EPHB1: variants seen among roughly 807,000 people sequenced by gnomAD.
EPHB1 encodes the protein ephrin type-B receptor 1.
In EPHB1, 30 loss-of-function variants were observed where a neutral mutation model predicts 94.4. That is an observed-to-expected ratio of 0.32 (90% CI 0.24 to 0.43). The LOEUF is 0.43. Among genes scored for constraint, EPHB1 ranks in the 20% least tolerant of loss-of-function variants. The pLI is 1.00. For synonymous variants in EPHB1, 522 were observed against 489.1 expected, an observed-to-expected ratio of 1.07 and a Z score of -0.89; for missense variants, 1,055 against 1,308.3, an observed-to-expected ratio of 0.81 and a Z score of 2.99.
chr3:135,083,121 G>T (rs949049914), intron 3 of EPHB1, among the ~76,000 whole-genome samples: 18 of 152,162 alleles, frequency 1.2e-4, no homozygotes, highest in African/African-American at 4.3e-4. Flanking sequence ...TATTTGGGAG[G>T]CTGGGACAGG....
intron 12 of EPHB1, among the ~76,000 whole-genome samples, chr3:135,204,214 A>AT (rs1942836537): frequency 1.3e-5 from 2 of 150,970 alleles, no homozygotes; most frequent in Non-Finnish European, 3.0e-5. Context: ...ATTTTTTTTT[A>AT]TTTTTTGAGA....
chr3:135,029,767 G>A (rs1029009303), intron 3 of EPHB1, among the ~76,000 whole-genome samples: 58 of 151,932 alleles, frequency 3.8e-4, no homozygotes, highest in African/African-American at 1.4e-3. Flanking sequence ...CTGAACGTTG[G>A]CCTGCCTTGC....
intron 3 of EPHB1, among the ~76,000 whole-genome samples, chr3:134,954,321 TG>T (rs1410026244): frequency 3.3e-5 from 5 of 151,992 alleles, no homozygotes; most frequent in African/African-American, 7.3e-5. Flanking sequence ...CACTCTTTGG[TG>T]GGGGGTGGGA....
chr3:135,175,084 C>T (rs1326304712), intron 9 of EPHB1, among the ~76,000 whole-genome samples: 1 of 152,166 alleles, frequency 6.6e-6, no homozygotes, highest in African/African-American at 2.4e-5. Flanking sequence ...CACTCCTCTC[C>T]CTCCAGCTTT....
chr3:135,204,881 C>CT lies in EPHB1; in HGVS notation c.2346+3218dup, dbSNP rs71624063. ...TTGCTATCAAATACTAGGTTTTATT[C>CT]TTTTTTTTTTTTTTTTTTTTTTTTT... On this transcript the variant is annotated intron_variant, in intron 12 of 15. Transcript: ENST00000398015. 3.6e-3 allele frequency among the ~76,000 whole-genome samples: 263 copies of CT among 73,900 alleles called. 6 individuals are homozygous for CT. Among genetic ancestry groups the CT allele is most frequent in the South Asian group, 0.011 (17 of 1,598 alleles). 48.5% of individuals were successfully genotyped at this position (73,900 alleles called of 152,430 possible).
chr3:134,974,310 G>T (rs1273297237), intron 3 of EPHB1, among the ~76,000 whole-genome samples: 3 of 152,170 alleles, frequency 2.0e-5, no homozygotes, highest in Non-Finnish European at 4.4e-5. Flanking sequence ...TCTGGAGCCA[G>T]ACTGCCTGGG....
Position 135,204,909 on chromosome 3 carries a change from G to A in EPHB1, c.2346+3220G>A, listed in dbSNP as rs1330654505. On this transcript the variant is annotated intron_variant, in intron 12 of 15. Transcript: ENST00000398015. ...TTTTTTTTTTTTTTTTTTTTTTTTG[G>A]TATTTAACCATACCCCCTACCACCA... Among the ~76,000 whole-genome samples the A allele has an allele frequency of 1.1e-4, 3 of 26,536 alleles. No individual in the cohort carries two copies. The East Asian group carries it at 4.0e-3, about 35-fold the overall frequency. The allele number at this position is 26,536 out of a possible 152,430, so 17.4% of individuals were successfully genotyped here.
chr3:135,077,674 G>A (rs781491515), intron 3 of EPHB1, among the ~76,000 whole-genome samples: 8 of 152,328 alleles, frequency 5.3e-5, no homozygotes, highest in Non-Finnish European at 8.8e-5. Flanking sequence ...GAAACATAAA[G>A]ACCCTGAGAT....
intron 1 of EPHB1, among the ~76,000 whole-genome samples, chr3:134,821,256 A>G (rs928235122): frequency 6.6e-6 from 1 of 152,244 alleles, no homozygotes; most frequent in African/African-American, 2.4e-5. Flanking sequence ...CAGTCCATTC[A>G]TTGAAATGTT....
intron 1 of EPHB1, among the ~76,000 whole-genome samples, chr3:134,827,223 T>C (rs887461451): frequency 2.0e-5 from 3 of 152,252 alleles, no homozygotes; most frequent in African/African-American, 4.8e-5. Flanking sequence ...AATTACTATA[T>C]GGTAATGCTG....
chr3:134,805,008 A>G (rs1427532067), intron 1 of EPHB1, among the ~76,000 whole-genome samples: 1 of 152,184 alleles, frequency 6.6e-6, no homozygotes, highest in Non-Finnish European at 1.5e-5. Context: ...CTTGCAGTTA[A>G]TTGTTCTGTT....
intron 3 of EPHB1, among the ~76,000 whole-genome samples, chr3:135,104,100 C>T (rs1439610859): frequency 3.9e-5 from 6 of 152,306 alleles, no homozygotes; most frequent in African/African-American, 1.4e-4. Context: ...GAGTCATCAC[C>T]TCTACCCCTC....
chr3:134,850,725 G>C (rs1326074619), intron 1 of EPHB1, among the ~76,000 whole-genome samples: 1 of 152,250 alleles, frequency 6.6e-6, no homozygotes, highest in Admixed American at 6.5e-5. Flanking sequence ...GGAGCGGCTG[G>C]CATTGCCTGC....
intron 4 of EPHB1, among the ~76,000 whole-genome samples, chr3:135,126,104 G>T (rs779730970): frequency 6.6e-6 from 1 of 151,974 alleles, no homozygotes; most frequent in Non-Finnish European, 1.5e-5. Context: ...CCATCCATAC[G>T]CCTGATATCA....
intron 9 of EPHB1, among the ~76,000 whole-genome samples, chr3:135,174,963 G>C (rs1300934810): frequency 6.6e-6 from 1 of 152,178 alleles, no homozygotes; most frequent in East Asian, 1.9e-4. Context: ...GGAAGTGCCA[G>C]GTTTGTACTG....
At chr3:134,809,553 T>C (rs1251930133) in intron 1 of EPHB1, among the ~76,000 whole-genome samples, 1 of 152,192 alleles carries the variant, frequency 6.6e-6, no homozygotes, top group Non-Finnish European at 1.5e-5. Flanking sequence ...TTCATTTGCA[T>C]TTCAATGGTT....
chr3:135,230,082 G>A (rs980345263), intron 12 of EPHB1, among the ~76,000 whole-genome samples: 1 of 152,302 alleles, frequency 6.6e-6, no homozygotes, highest in African/African-American at 2.4e-5. Flanking sequence ...GTGAGGCATG[G>A]GTGCAGAGAG....
At chr3:134,947,924 G>T (rs2039244142) in intron 2 of EPHB1, among the ~76,000 whole-genome samples, 1 of 151,928 alleles carries the variant, frequency 6.6e-6, no homozygotes, top group Non-Finnish European at 1.5e-5. Flanking sequence ...CTGAATAGCT[G>T]GTTCTACAGG....
chr3:135,032,050 CTGAAAT>C (rs1936490100), intron 3 of EPHB1, among the ~76,000 whole-genome samples: 1 of 152,014 alleles, frequency 6.6e-6, no homozygotes, highest in South Asian at 2.1e-4. Context: ...CCCTGAAATT[CTGAAAT>C]TTCATGTTTC....
Sources: gnomAD v4.1 joint callset for allele counts (sites outside exome capture counted in the v4.1 genomes callset) on GRCh38, gnomAD v4.1.1 for gene constraint, MANE v1.5 for transcripts, NCBI Gene and HGNC (gene_info 2026-07-23, HGNC 2026-07-21) for gene names.